Variants in RPS6KA3 observed in about 807,000 individuals in gnomAD.
The protein encoded by RPS6KA3 is ribosomal protein S6 kinase alpha-3.
RPS6KA3 carries 4 observed loss-of-function variants against 67.2 expected under a neutral mutation model. The observed-to-expected ratio is 0.06, with a 90% CI of 0.03 to 0.14. The LOEUF (loss-of-function observed/expected upper bound fraction) is 0.14, where lower values mean the gene tolerates loss of function less well. Among genes scored for constraint, RPS6KA3 ranks in the 10% least tolerant of loss-of-function variants. RPS6KA3 has a pLI of 1.00. For synonymous variants in RPS6KA3, 182 were observed against 183.7 expected, an observed-to-expected ratio of 0.99 and a Z score of 0.07; for missense variants, 204 against 559.0, an observed-to-expected ratio of 0.36 and a Z score of 6.40.
chrX:20,198,195 G>A (rs73193573), intron 4 of RPS6KA3, among the ~76,000 whole-genome samples: 7,160 of 111,540 alleles, frequency 0.064, 251 homozygotes, highest in Middle Eastern at 0.1. Context: ...GACAATAATG[G>A]AAAAACTGCA....
In RPS6KA3 at chrX:20,234,631, A is replaced by C; in HGVS notation, c.126+127T>G. ...GCATACTCAATAATGTAGTCTGGTAAAGTTAATGTGAAAGGATCGACAAGT... is the reference window on the plus strand; with the variant it reads ...GCATACTCAATAATGTAGTCTGGTACAGTTAATGTGAAAGGATCGACAAGT... On this transcript the variant is annotated intron_variant, in intron 2 of 21. Coordinates refer to ENST00000379565, the MANE Select transcript of RPS6KA3 (RefSeq NM_004586.3). 1.5e-5 allele frequency: 8 copies of C among 521,253 alleles called. No individual in the cohort carries two copies. The South Asian group carries it at 2.1e-4, about 14-fold the overall frequency. The allele number at this position is 521,253 out of a possible 1,213,427, so 43.0% of individuals were successfully genotyped here. A position where few individuals can be genotyped will look rare whatever the true frequency, so the allele number is the denominator to read the frequency against.
intron 1 of RPS6KA3, among the ~76,000 whole-genome samples, chrX:20,251,096 T>C (rs1347146499): frequency 2.7e-5 from 3 of 111,745 alleles, no homozygotes; most frequent in Admixed American, 1.9e-4. Context: ...CAGTATCTTC[T>C]TTCAGCACTT....
intron 15 of RPS6KA3, among the ~76,000 whole-genome samples, chrX:20,169,926 TATTGA>T (rs1484238883): frequency 8.9e-6 from 1 of 112,460 alleles, no homozygotes; most frequent in Non-Finnish European, 1.9e-5. Context: ...AGCATCTGCT[TATTGA>T]ATTAAGTTTA....
In RPS6KA3 at chrX:20,248,537, T is replaced by G. The variant is rs983757172; in HGVS notation, c.70-13723A>C. 2.7e-5 allele frequency among the ~76,000 whole-genome samples: 3 copies of G among 111,669 alleles called. No individual in the cohort carries two copies. The Admixed American group carries it at 2.8e-4, about 11-fold the overall frequency. On this transcript the variant is annotated intron_variant, in intron 1 of 21. Transcript: ENST00000379565. The stretch of plus-strand genomic sequence containing the variant: ...CTCTGTCGCCCAGGCTGGAGTGCAG[T>G]GGCGTGATCTCTGCTCACTGCAAGC...
At chrX:20,252,380 T>C (rs769792362) in intron 1 of RPS6KA3, among the ~76,000 whole-genome samples, 234 of 111,619 alleles carry the variant, frequency 2.1e-3, no homozygotes, top group African/African-American at 7.4e-3. Context: ...TAATGGATAT[T>C]TGGAGATTAT....
intron 17 of RPS6KA3, among the ~76,000 whole-genome samples, chrX:20,166,488 CA>C (rs1286623032): frequency 9.0e-6 from 1 of 111,150 alleles, no homozygotes; most frequent in Non-Finnish European, 1.9e-5. Context: ...AAAGACAAAA[CA>C]AAAAGAATGT....
chrX:20,208,258 C>T (rs1385981299), intron 3 of RPS6KA3, among the ~76,000 whole-genome samples: 1 of 110,497 alleles, frequency 9.1e-6, no homozygotes, highest in East Asian at 2.9e-4. Context: ...GGTGCTCAAA[C>T]GGCAATGCTC....
intron 1 of RPS6KA3, among the ~76,000 whole-genome samples, chrX:20,252,626 G>C (rs1249052398): frequency 9.0e-6 from 1 of 110,887 alleles, no homozygotes; most frequent in African/African-American, 3.3e-5. Flanking sequence ...TCTGAGTAGG[G>C]GTGTAAGCTC....
At chrX:20,188,651 ACT>A in intron 7 of RPS6KA3, 117 bp from the exon 8 acceptor site, 1 of 441,134 alleles carries the variant, frequency 2.3e-6, no homozygotes, top group Non-Finnish European at 4.1e-6. Context: ...ATTGCTTTAG[ACT>A]GTGAATAAGA....
At chrX:20,179,139 G>A (rs1295916005) in intron 10 of RPS6KA3, among the ~76,000 whole-genome samples, 1 of 111,991 alleles carries the variant, frequency 8.9e-6, no homozygotes, top group African/African-American at 3.2e-5. Context: ...TTATGCAAAA[G>A]AGAGAAGGAA....
At chrX:20,233,778 A>C (rs1446454661) in intron 2 of RPS6KA3, among the ~76,000 whole-genome samples, 1 of 111,560 alleles carries the variant, frequency 9.0e-6, no homozygotes, top group Non-Finnish European at 1.9e-5. Context: ...CAAAAAAACA[A>C]AACAAAGAAG....
chrX:20,163,729 C>T (rs1447366379), intron 18 of RPS6KA3, among the ~76,000 whole-genome samples: 2 of 110,582 alleles, frequency 1.8e-5, no homozygotes, highest in African/African-American at 6.6e-5. Context: ...AGTGCAGTGG[C>T]GCGATCTTGG....
At chrX:20,201,811 AT>A (rs2068440169) in intron 4 of RPS6KA3, among the ~76,000 whole-genome samples, 1 of 109,549 alleles carries the variant, frequency 9.1e-6, no homozygotes, top group South Asian at 3.8e-4. Flanking sequence ...TATTTATACT[AT>A]TTTTCATTGT....
chrX:20,213,782 C>A (rs1206459454), intron 2 of RPS6KA3, among the ~76,000 whole-genome samples: 1 of 109,198 alleles, frequency 9.2e-6, no homozygotes, highest in East Asian at 2.8e-4. Context: ...CAACCAAATC[C>A]TTCATGCTCT....
chrX:20,188,678 G>A, intron 7 of RPS6KA3, 144 bp from the exon 8 acceptor site: 1 of 411,593 alleles, frequency 2.4e-6, no homozygotes, highest in Middle Eastern at 6.7e-4. Flanking sequence ...AAAGGCAAAG[G>A]AGGAACAAAT....
chrX:20,236,940 T>C (rs146404872), intron 1 of RPS6KA3, among the ~76,000 whole-genome samples: 201 of 111,677 alleles, frequency 1.8e-3, no homozygotes, highest in African/African-American at 5.7e-3. Flanking sequence ...TCGTCCGACA[T>C]AGAGATTCAA....
At chrX:20,201,982 T>G (rs965064064) in intron 4 of RPS6KA3, among the ~76,000 whole-genome samples, 1 of 100,803 alleles carries the variant, frequency 9.9e-6, no homozygotes, top group Non-Finnish European at 2.0e-5. Context: ...TTTTCTTTTT[T>G]TTTTTTTTTT....
intron 2 of RPS6KA3, among the ~76,000 whole-genome samples, chrX:20,231,006 C>T (rs1293339530): frequency 9.1e-6 from 1 of 110,449 alleles, no homozygotes; most frequent in Non-Finnish European, 1.9e-5. Context: ...GTTGCCCAGG[C>T]TGGAGTGCAG....
chrX:20,210,363 A>AT (rs775144550), intron 2 of RPS6KA3, among the ~76,000 whole-genome samples: 30 of 111,869 alleles, frequency 2.7e-4, no homozygotes, highest in South Asian at 1.1e-3. Context: ...CTATAATGTT[A>AT]TTTTTTTCTA....
Sources: gnomAD v4.1 joint callset for allele counts (sites outside exome capture counted in the v4.1 genomes callset) on GRCh38, gnomAD v4.1.1 for gene constraint, MANE v1.5 for transcripts, NCBI Gene and HGNC (gene_info 2026-07-23, HGNC 2026-07-21) for gene names.